The following NPHP4 variants were observed in gnomAD, a reference collection of about 807,000 sequenced individuals.
NPHP4 encodes nephrocystin 4, also known as nephrocystin-4.
In NPHP4, 151 loss-of-function variants were observed where a neutral mutation model predicts 155.8. The observed-to-expected ratio is 0.97, with a 90% CI of 0.85 to 1.11. The LOEUF (loss-of-function observed/expected upper bound fraction) is 1.11, where lower values mean the gene tolerates loss of function less well. Among genes scored for constraint, NPHP4 ranks in the 50% least tolerant of loss-of-function variants. NPHP4 has a pLI of 0.00. For missense variants in NPHP4, 1,956 were observed against 1,925.7 expected, an observed-to-expected ratio of 1.02 and a Z score of -0.29; for synonymous variants, 845 against 816.8, an observed-to-expected ratio of 1.03 and a Z score of -0.59.
intron 5 of NPHP4, among the ~76,000 whole-genome samples, chr1:5,965,327 C>T (rs1422239173): frequency 6.6e-6 from 1 of 152,034 alleles, no homozygotes; most frequent in Non-Finnish European, 1.5e-5. Flanking sequence ...TGAAGGGCCC[C>T]GCAGCAGGTT....
At chr1:5,943,192 G>T (rs1646913588) in intron 9 of NPHP4, among the ~76,000 whole-genome samples, 1 of 152,126 alleles carries the variant, frequency 6.6e-6, no homozygotes, top group Non-Finnish European at 1.5e-5. Context: ...TAAATTACAG[G>T]AAAAAGGTTT....
chr1:5,914,824 G>A (rs939914178), intron 11 of NPHP4, among the ~76,000 whole-genome samples: 1 of 152,192 alleles, frequency 6.6e-6, no homozygotes, highest in Non-Finnish European at 1.5e-5. Context: ...GGAGGCCAAC[G>A]TGTCCTTTCT....
intron 6 of NPHP4, among the ~76,000 whole-genome samples, chr1:5,960,639 G>A (rs1356516198): frequency 6.6e-6 from 1 of 152,100 alleles, no homozygotes; most frequent in Non-Finnish European, 1.5e-5. Flanking sequence ...TCACATGACA[G>A]GTAGAAGGAG....
At chr1:5,873,751 G>A (rs890350339) in intron 22 of NPHP4, 10 of 286,526 alleles carry the variant, frequency 3.5e-5, no homozygotes, top group South Asian at 6.9e-5. Flanking sequence ...TCACGCACCC[G>A]GGCATGACAC....
At chr1:5,968,991 C>A in intron 4 of NPHP4, 96 bp downstream of exon 4, 1 of 801,954 alleles carries the variant, frequency 1.2e-6, no homozygotes, top group Non-Finnish European at 2.0e-6. Context: ...TACACCACTG[C>A]ACTCTAGCCT....
chr1:5,978,786 G>A (rs1048852635), intron 2 of NPHP4, among the ~76,000 whole-genome samples: 5 of 152,136 alleles, frequency 3.3e-5, no homozygotes, highest in East Asian at 1.9e-4. Flanking sequence ...CTGAGACCTC[G>A]CTCAAGCCAC....
At chr1:5,981,762 AC>A (rs780298049) in intron 2 of NPHP4, among the ~76,000 whole-genome samples, 20 of 152,234 alleles carry the variant, frequency 1.3e-4, no homozygotes, top group Non-Finnish European at 5.9e-5. Flanking sequence ...TGTAAATAAA[AC>A]AACGTTGCAT....
chr1:5,958,242 A>G (rs1649611156), intron 6 of NPHP4, among the ~76,000 whole-genome samples: 1 of 152,264 alleles, frequency 6.6e-6, no homozygotes, highest in African/African-American at 2.4e-5. Flanking sequence ...GGCCAGGAAC[A>G]GCCGTCAGAA....
chr1:5,878,319 C>T (rs17432114), intron 19 of NPHP4, among the ~76,000 whole-genome samples: 18,155 of 152,300 alleles, frequency 0.12, 1,393 homozygotes, highest in Non-Finnish European at 0.17. Context: ...CCAATTTTAA[C>T]GCCGGCAAAC....
intron 23 of NPHP4, among the ~76,000 whole-genome samples, chr1:5,868,946 A>G (rs565580256): frequency 6.9e-5 from 10 of 145,194 alleles, no homozygotes; most frequent in South Asian, 6.6e-4. Flanking sequence ...ACCCACATGC[A>G]CACACACACA....
rs763177761 is a variant in NPHP4, at chr1:5,905,822, A to AC, written c.1612-40dup. 1 of 1,568,518 alleles carries AC rather than the reference A, an allele frequency of 6.4e-7. No homozygotes were observed. The highest frequency in any genetic ancestry group is 1.4e-5 in the African/African-American group (1 of 73,824). On this transcript the variant is annotated intron_variant, in intron 13 of 29. Transcript: ENST00000378156. The surrounding 1 kb of genome is among the most constrained non-coding windows in gnomAD (Gnocchi z 4.0). ...GGGCTTCCAAGTGAGGCCACCAAGGACCCCAACCCGTAACAACCAACGGTG... is the reference window on the plus strand; with the variant it reads ...GGGCTTCCAAGTGAGGCCACCAAGGACCCCCAACCCGTAACAACCAACGGTG...
intron 6 of NPHP4, 105 bp downstream of exon 6, chr1:5,961,689 C>G (rs1397401237): frequency 9.2e-7 from 1 of 1,084,598 alleles, no homozygotes; most frequent in Admixed American, 2.0e-5. Flanking sequence ...TGCAGAGGGG[C>G]GCTCGGCCCA....
At chr1:5,873,161 C>T (rs1557610392) in intron 23 of NPHP4, 91 bp downstream of exon 23, 4 of 1,164,404 alleles carry the variant, frequency 3.4e-6, no homozygotes, top group Non-Finnish European at 5.1e-6. Flanking sequence ...CCCAGCCCTC[C>T]CCTCCAGGAG....
chr1:5,887,582 G>A, intron 17 of NPHP4, 116 bp from the exon 18 acceptor site: 1 of 1,094,070 alleles, frequency 9.1e-7, no homozygotes, highest in Non-Finnish European at 1.3e-6. Flanking sequence ...GGCGGGAGGG[G>A]GTGTGCGCAG....
chr1:5,872,494 C>G (rs908125299), intron 23 of NPHP4, among the ~76,000 whole-genome samples: 1 of 152,176 alleles, frequency 6.6e-6, no homozygotes, highest in African/African-American at 2.4e-5. Flanking sequence ...CAGATACATT[C>G]CTTAGATCAA....
At chr1:5,931,733 C>CA (rs60217132) in intron 10 of NPHP4, among the ~76,000 whole-genome samples, 886 of 79,264 alleles carry the variant, frequency 0.011, 13 homozygotes, top group Middle Eastern at 0.017. Flanking sequence ...GACTTCATCT[C>CA]AAAAAAAAAA....
intron 7 of NPHP4, among the ~76,000 whole-genome samples, chr1:5,948,511 A>G (rs1348773819): frequency 6.6e-6 from 1 of 152,160 alleles, no homozygotes; most frequent in African/African-American, 2.4e-5. Context: ...ACACCCTCAG[A>G]TGCCTCGATC....
chr1:5,928,217 C>A (rs996975038), intron 10 of NPHP4, among the ~76,000 whole-genome samples: 5 of 152,232 alleles, frequency 3.3e-5, no homozygotes, highest in African/African-American at 1.2e-4. Context: ...ACACCCAGCC[C>A]ATGCCTAACC....
rs569972813 is a variant in NPHP4, at chr1:5,904,930, G to A, written c.1956-126C>T. 1.8e-4 allele frequency: 170 copies of A among 936,638 alleles called. 2 individuals carry two copies. The East Asian group carries it at 3.3e-3, about 18-fold the overall frequency. 58.0% of individuals were successfully genotyped at this position (936,638 alleles called of 1,614,324 possible). ...GCTGGGGAACAGTAAAGAGGCTGCC[G>A]TGGTCACCAATGCAACCGCTTTGCT... is the stretch of plus-strand genomic sequence containing the variant. On this transcript the variant is annotated intron_variant, in intron 15 of 29. Transcript: ENST00000378156.
Sources: allele counts gnomAD v4.1 joint callset (sites outside exome capture counted in the v4.1 genomes callset), GRCh38; gene constraint gnomAD v4.1.1; non-coding constraint Gnocchi (gnomAD v3.1); transcripts MANE v1.5; gene names NCBI Gene and HGNC (gene_info 2026-07-23, HGNC 2026-07-21).